Variants in PCLO observed in about 807,000 individuals in gnomAD.
The protein encoded by PCLO is protein piccolo.
In PCLO, 82 loss-of-function variants were observed where a neutral mutation model predicts 427.5. That is an observed-to-expected ratio of 0.19 (90% CI 0.16 to 0.23). PCLO has a LOEUF of 0.23. Ranked by LOEUF, PCLO falls within the 10% of genes least tolerant of loss-of-function variation. The pLI is 1.00. For missense variants in PCLO, 6,239 were observed against 6,115.9 expected (o/e 1.02, Z -0.67); for synonymous variants, 2,357 against 2,155.4 (o/e 1.09, Z -2.59).
chr7:82,890,314 CAT>C (rs1012251542), intron 9 of PCLO, among the ~76,000 whole-genome samples: 10 of 152,036 alleles, frequency 6.6e-5, no homozygotes, highest in East Asian at 3.9e-4. Flanking sequence ...TATATGTACA[CAT>C]AGTTTGTGAA....
intron 9 of PCLO, among the ~76,000 whole-genome samples, chr7:82,886,701 G>A (rs1793635457): frequency 6.6e-6 from 1 of 152,026 alleles, no homozygotes; most frequent in Non-Finnish European, 1.5e-5. Context: ...TTTCATTGAA[G>A]AGTTATTTAG....
chr7:83,152,170 T>C (rs1350437233), intron 2 of PCLO, among the ~76,000 whole-genome samples: 1 of 151,930 alleles, frequency 6.6e-6, no homozygotes, highest in Non-Finnish European at 1.5e-5. Flanking sequence ...TTCACTGTGT[T>C]AGCCAGGATG....
At chr7:83,145,427 G>A (rs183659753) in intron 2 of PCLO, among the ~76,000 whole-genome samples, 2 of 152,134 alleles carry the variant, frequency 1.3e-5, no homozygotes, top group African/African-American at 4.8e-5. Context: ...ACATACACTT[G>A]CCATAACCTA....
At chr7:83,063,712 T>A (rs1306292619) in intron 3 of PCLO, among the ~76,000 whole-genome samples, 2 of 152,078 alleles carry the variant, frequency 1.3e-5, no homozygotes, top group Non-Finnish European at 2.9e-5. Flanking sequence ...GCTCTGTATA[T>A]AAATTACTTC....
rs2115573561 is a variant in PCLO at position 82,956,190 on chromosome 7, C to T, written c.4763G>A (p.Ser1588Asn). ...IRNQLKEISS[S>N]TESQKKEETK... ...TTCTTCCTTCTTCTGGCTCTCAGTA[C>T]TGCTACTAATCTCTTTGAGCTGGTT... The change falls in exon 5 of 25, where the codon AGT becomes AAT. Residue 1588 changes from serine to asparagine, a missense_variant. Ser to Asn is a conservative substitution (Grantham distance 46, BLOSUM62 1). This residue lies in a region of PCLO where 4,677 missense variants were observed against 4,468.4 expected (regional missense o/e 1.05). Coordinates refer to ENST00000333891, the MANE Select transcript of PCLO (RefSeq NM_033026.6). 6.2e-7 allele frequency: 1 copy of T among 1,609,616 alleles called. No individual in the cohort carries two copies. Among genetic ancestry groups the T allele is most frequent in the South Asian group, 1.1e-5 (1 of 91,076 alleles).
intron 3 of PCLO, among the ~76,000 whole-genome samples, chr7:82,968,517 C>CTTTT (rs11324005): frequency 1.4e-5 from 1 of 73,208 alleles, no homozygotes; most frequent in African/African-American, 4.8e-5. Flanking sequence ...CAGAGTCTGA[C>CTTTT]TTTTTTTTTT....
At chr7:82,791,995 G>GTTAAAAT (rs1490411555) in intron 22 of PCLO, among the ~76,000 whole-genome samples, 3 of 151,882 alleles carry the variant, frequency 2.0e-5, no homozygotes, top group Admixed American at 1.3e-4. Flanking sequence ...GAAGTTAAAA[G>GTTAAAAT]TTAAAAACTT....
At chr7:83,067,065 C>G (rs1341857427) in intron 3 of PCLO, among the ~76,000 whole-genome samples, 1 of 152,162 alleles carries the variant, frequency 6.6e-6, no homozygotes, top group Non-Finnish European at 1.5e-5. Flanking sequence ...TATCTTCATG[C>G]TATCTGTATA....
chr7:82,920,172 T>C (rs1360133513), intron 6 of PCLO, among the ~76,000 whole-genome samples: 1 of 151,874 alleles, frequency 6.6e-6, no homozygotes, highest in Admixed American at 6.6e-5. Flanking sequence ...ATTAAATCAA[T>C]ATAACATAAA....
intron 4 of PCLO, among the ~76,000 whole-genome samples, chr7:82,964,088 A>C (rs1199704600): frequency 6.6e-6 from 1 of 152,058 alleles, no homozygotes; most frequent in East Asian, 1.9e-4. Context: ...AGACTGGAGA[A>C]GGGAGAAAAG....
intron 1 of PCLO, among the ~76,000 whole-genome samples, chr7:83,157,174 A>G (rs946840592): frequency 6.6e-6 from 1 of 152,202 alleles, no homozygotes; most frequent in Non-Finnish European, 1.5e-5. Flanking sequence ...GAAAGGCACC[A>G]TTCATCAAAT....
At chr7:83,081,900 TTGA>T (rs1158027252) in intron 3 of PCLO, among the ~76,000 whole-genome samples, 1 of 151,730 alleles carries the variant, frequency 6.6e-6, no homozygotes, top group Non-Finnish European at 1.5e-5. Flanking sequence ...TATTAAATAT[TTGA>T]TGATTGTAAA....
chr7:82,979,703 T>G (rs1796105061), intron 3 of PCLO, among the ~76,000 whole-genome samples: 1 of 152,134 alleles, frequency 6.6e-6, no homozygotes, highest in African/African-American at 2.4e-5. Context: ...TTTAAATAGA[T>G]TTAACTTTCA....
At chr7:82,892,657 A>T (rs1353606460) in intron 9 of PCLO, among the ~76,000 whole-genome samples, 1 of 152,146 alleles carries the variant, frequency 6.6e-6, no homozygotes, top group Non-Finnish European at 1.5e-5. Context: ...AGAATGGGAG[A>T]AAATTTTTGC....
intron 20 of PCLO, chr7:82,822,002 C>G: frequency 4.1e-6 from 4 of 987,402 alleles, no homozygotes; most frequent in Non-Finnish European, 4.8e-6. Flanking sequence ...TAGAAGTTGA[C>G]TGTTGGTTGC....
At chr7:83,134,196 C>T in intron 3 of PCLO, 54 bp downstream of exon 3, 1 of 546,184 alleles carries the variant, frequency 1.8e-6, no homozygotes, top group Non-Finnish European at 2.6e-6. Context: ...CAAAATAAAC[C>T]CACAGACTCA....
In PCLO at chr7:83,128,678, T is replaced by G. The variant is rs552367864; in HGVS notation, c.3300+5572A>C. 4.6e-5 allele frequency among the ~76,000 whole-genome samples: 7 copies of G among 152,266 alleles called. No homozygotes were observed. The East Asian group carries it at 1.3e-3, about 29-fold the overall frequency. On this transcript the variant is annotated intron_variant, in intron 3 of 24. Transcript: ENST00000333891. ...ACGACCAATGAAACACTGAGATAGT[T>G]ATCATTTTCATGGAGTAAAGTCTTT...
chr7:82,956,451 T>C lies in PCLO; in HGVS notation c.4502A>G (p.Asp1501Gly). Residue 1501 changes from aspartate to glycine, a missense_variant, in exon 5 of 25, where the codon GAT (aspartate) becomes GGT (glycine). Asp to Gly is a moderately conservative substitution (Grantham distance 94). This residue lies in a region of PCLO where 4,677 missense variants were observed against 4,468.4 expected (regional missense o/e 1.05). Transcript: ENST00000333891. ...AGGCTCTCTTCTAGTAGTTATGTCA[T>C]CAACAAACTCAGACTTCTCTTTATG... ...KDHKEKSEFV[D>G]DITTRREPYD... 1.2e-6 allele frequency: 2 copies of C among 1,613,806 alleles called. No individual in the cohort carries two copies. Among genetic ancestry groups the C allele is most frequent in the Non-Finnish European group, 1.7e-6 (2 of 1,179,788 alleles).
intron 10 of PCLO, among the ~76,000 whole-genome samples, chr7:82,865,557 A>AAT (rs1238672761): frequency 6.6e-6 from 1 of 152,102 alleles, no homozygotes; most frequent in Non-Finnish European, 1.5e-5. Flanking sequence ...TTCCTACTAA[A>AAT]ATATATGGAT....
Sources: gnomAD v4.1 joint callset for allele counts (sites outside exome capture counted in the v4.1 genomes callset) on GRCh38, gnomAD v4.1.1 for gene constraint, gnomAD v4.1.1 regional missense constraint, MANE v1.5 for transcripts, NCBI Gene and HGNC (gene_info 2026-07-23, HGNC 2026-07-21) for gene names.